Variants in RUNX2 observed in about 807,000 individuals in gnomAD.
The protein encoded by RUNX2 is runt-related transcription factor 2.
A neutral mutation model predicts 51.7 loss-of-function variants in RUNX2; 10 were observed. That is an observed-to-expected ratio of 0.19 (90% confidence interval 0.12 to 0.33). The LOEUF (loss-of-function observed/expected upper bound fraction) is 0.33. RUNX2 is among the 10% of genes least tolerant of loss of function. The probability of loss-of-function intolerance (pLI) is 1.00; values close to 1 mark genes in which losing one functional copy is unlikely to be tolerated. For missense variants in RUNX2, 562 were observed against 691.3 expected, an observed-to-expected ratio of 0.81 and a Z score of 2.10; for synonymous variants, 276 against 273.6, an observed-to-expected ratio of 1.01 and a Z score of -0.09.
chr6:45,547,126 G>A lies in RUNX2; in HGVS notation c.1387G>A (p.Asp463Asn), dbSNP rs1378225599. 4 of 1,614,084 alleles carry A rather than the reference G, an allele frequency of 2.5e-6. No individual in the cohort carries two copies. Among genetic ancestry groups the A allele is most frequent in the South Asian group, 1.1e-5 (1 of 91,070 alleles). Residue 463 changes from aspartate to asparagine, a missense_variant, in exon 9 of 9, where the codon GAC (aspartate) becomes AAC (asparagine). By Grantham distance (23) the Asp-to-Asn change is conservative. Transcript: ENST00000647337. ...TCAGTTTCCCATGGTGCCGGGGGGA[G>A]ACCGGTCTCCTTCCAGAATGCTTCC... ...SYQFPMVPGG[D>N]RSPSRMLPPC...
intron 2 of RUNX2, among the ~76,000 whole-genome samples, chr6:45,350,493 C>T (rs1791786224): frequency 6.6e-6 from 1 of 152,178 alleles, no homozygotes; most frequent in Non-Finnish European, 1.5e-5. Context: ...AATTGGTTTA[C>T]ATTTTGGCTC....
intron 2 of RUNX2, among the ~76,000 whole-genome samples, chr6:45,359,555 G>A (rs1379194317): frequency 6.6e-6 from 1 of 152,058 alleles, no homozygotes; most frequent in East Asian, 1.9e-4. Flanking sequence ...AAGTAGGATA[G>A]ACATTTAAAT....
chr6:45,422,496 A>ACC, intron 2 of RUNX2, 97 bp from the exon 3 acceptor site: 2 of 217,890 alleles, frequency 9.2e-6, no homozygotes, highest in Non-Finnish European at 7.6e-6. Context: ...TCTCGCCTTC[A>ACC]CCCCCCCAAT....
intron 6 of RUNX2, among the ~76,000 whole-genome samples, chr6:45,510,019 G>C (rs1563117318): frequency 6.6e-6 from 1 of 152,172 alleles, no homozygotes; most frequent in Admixed American, 6.5e-5. Flanking sequence ...TTGCCCTTGC[G>C]AGACTGCTTT....
chr6:45,371,432 G>A (rs1308538833), intron 2 of RUNX2, among the ~76,000 whole-genome samples: 4 of 146,696 alleles, frequency 2.7e-5, no homozygotes, highest in African/African-American at 1.0e-4. Context: ...TACAAGACAA[G>A]TATTCTCCCT....
At chr6:45,399,390 C>CGCT (rs1563068624) in intron 2 of RUNX2, among the ~76,000 whole-genome samples, 2 of 100,596 alleles carry the variant, frequency 2.0e-5, no homozygotes, top group Non-Finnish European at 3.8e-5. Context: ...GATGGAGTCT[C>CGCT]GCTCTGTCAC....
intron 2 of RUNX2, among the ~76,000 whole-genome samples, chr6:45,374,460 T>C (rs1796499243): frequency 6.6e-6 from 1 of 152,182 alleles, no homozygotes; most frequent in Non-Finnish European, 1.5e-5. Flanking sequence ...CCAAATCACA[T>C]GGTTAGGAAG....
chr6:45,363,466 A>G (rs1794608851), intron 2 of RUNX2, among the ~76,000 whole-genome samples: 1 of 152,172 alleles, frequency 6.6e-6, no homozygotes, highest in African/African-American at 2.4e-5. Context: ...CAGATTATGG[A>G]TATATAGGTT....
intron 5 of RUNX2, among the ~76,000 whole-genome samples, chr6:45,468,319 A>G (rs1043059896): frequency 6.6e-6 from 1 of 152,258 alleles, no homozygotes; most frequent in Non-Finnish European, 1.5e-5. Context: ...AGAAAAATAA[A>G]GGAACCTAAT....
intron 5 of RUNX2, among the ~76,000 whole-genome samples, chr6:45,485,454 G>A (rs985577144): frequency 1.3e-5 from 2 of 151,292 alleles, no homozygotes; most frequent in Non-Finnish European, 2.9e-5. Context: ...TGCTCGCCTC[G>A]GCCTCCCAAA....
At position 45,512,439 on chromosome 6, in the gene RUNX2, C is replaced by G. The variant is rs759372949; in HGVS notation, c.1021+32C>G. On this transcript the variant is annotated intron_variant, in intron 7 of 8. Transcript: ENST00000647337. ...ACCGTGCTTTAACTAAAAATCCATC[C>G]CTGCACAGGGGTCGGGGGGAGTGGG... 3.7e-6 allele frequency: 6 copies of G among 1,612,416 alleles called. No individual in the cohort carries two copies. The East Asian group carries it at 1.3e-4, about 36-fold the overall frequency.
intron 6 of RUNX2, among the ~76,000 whole-genome samples, chr6:45,501,795 G>C (rs959536436): frequency 6.6e-6 from 1 of 152,188 alleles, no homozygotes; most frequent in African/African-American, 2.4e-5. Context: ...TGAAGTGTGA[G>C]AAGTTCTTTG....
intron 2 of RUNX2, among the ~76,000 whole-genome samples, chr6:45,410,188 G>T (rs191470461): frequency 6.6e-6 from 1 of 152,182 alleles, no homozygotes; most frequent in Non-Finnish European, 1.5e-5. Context: ...CAAAATGAAC[G>T]AAATTGTATT....
chr6:45,482,203 A>T lies in RUNX2; in HGVS notation c.686-9738A>T, dbSNP rs572058905. Among the ~76,000 whole-genome samples the T allele has an allele frequency of 7.2e-5, 11 of 152,310 alleles. No homozygotes were observed. The East Asian group carries it at 1.3e-3, about 19-fold the overall frequency. On this transcript the variant is annotated intron_variant, in intron 5 of 8. Coordinates refer to ENST00000647337, the MANE Select transcript of RUNX2 (RefSeq NM_001024630.4). The stretch of plus-strand genomic sequence containing the variant: ...TGCTTTCATCCAATCTTTTTAAAAA[A>T]TTTTTTAATCCTTTTTTGCTTCCTA...
At chr6:45,353,970 A>G (rs1438521102) in intron 2 of RUNX2, among the ~76,000 whole-genome samples, 3 of 152,142 alleles carry the variant, frequency 2.0e-5, no homozygotes, top group Non-Finnish European at 4.4e-5. Context: ...AAGAAGAAAT[A>G]AAAATGGCCA....
intron 2 of RUNX2, among the ~76,000 whole-genome samples, chr6:45,408,495 C>T (rs2150355601): frequency 6.6e-6 from 1 of 151,974 alleles, no homozygotes; most frequent in Middle Eastern, 3.4e-3. Flanking sequence ...CAATGCAGCC[C>T]CTAAGAACAC....
intron 3 of RUNX2, 131 bp downstream of exon 3, chr6:45,423,088 A>T: frequency 8.8e-7 from 1 of 1,135,652 alleles, no homozygotes; most frequent in Admixed American, 3.5e-5. Context: ...AACCCCAGAA[A>T]CCCCCGGCCG....
At chr6:45,506,259 C>G (rs1582184542) in intron 6 of RUNX2, among the ~76,000 whole-genome samples, 1 of 152,144 alleles carries the variant, frequency 6.6e-6, no homozygotes, top group African/African-American at 2.4e-5. Flanking sequence ...TCATTTTGAT[C>G]AATCACATCC....
intron 2 of RUNX2, among the ~76,000 whole-genome samples, chr6:45,386,198 G>T (rs1797345371): frequency 6.6e-6 from 1 of 151,664 alleles, no homozygotes; most frequent in Non-Finnish European, 1.5e-5. Flanking sequence ...CTCCCTAGTA[G>T]CTGGGATTAT....
Sources: gnomAD v4.1 joint callset for allele counts (sites outside exome capture counted in the v4.1 genomes callset) on GRCh38, gnomAD v4.1.1 for gene constraint, MANE v1.5 for transcripts, NCBI Gene and HGNC (gene_info 2026-07-23, HGNC 2026-07-21) for gene names.